The following NOX4 variants were observed in gnomAD, a reference collection of about 807,000 sequenced individuals.
The protein encoded by NOX4 is NADPH oxidase 4, also known as kidney oxidase-1.
NOX4 carries 69 observed loss-of-function variants against 87.6 expected under a neutral mutation model. The observed-to-expected ratio is 0.79, with a 90% CI of 0.65 to 0.96. The LOEUF (loss-of-function observed/expected upper bound fraction) is 0.96. Ranked by LOEUF, NOX4 falls within the 40% of genes least tolerant of loss-of-function variation. The pLI is 0.00. For missense variants in NOX4, 680 were observed against 681.5 expected, an observed-to-expected ratio of 1.00 and a Z score of 0.02; for synonymous variants, 275 against 238.2, an observed-to-expected ratio of 1.15 and a Z score of -1.42.
chr11:89,458,790 A>G (rs1945322081), intron 2 of NOX4, among the ~76,000 whole-genome samples: 1 of 152,236 alleles, frequency 6.6e-6, no homozygotes. Context: ...CTATAATTAA[A>G]AAGTTAAAAA....
the NOX4 span, among the ~76,000 whole-genome samples, chr11:89,524,981 T>G: frequency 4.6e-4 from 70 of 152,226 alleles, no homozygotes; most frequent in African/African-American, 1.6e-3. Context: ...TTCATTCAGC[T>G]TAATGATTTC....
intron 2 of NOX4, 145 bp downstream of exon 2, chr11:89,490,313 G>C (rs769560434): frequency 1.6e-6 from 1 of 620,224 alleles, no homozygotes; most frequent in Non-Finnish European, 2.9e-6. Context: ...GATAAATCAG[G>C]AAAATGTGAC....
chr11:89,375,912 G>T (rs1378372847), intron 11 of NOX4, among the ~76,000 whole-genome samples: 1 of 152,224 alleles, frequency 6.6e-6, no homozygotes, highest in Non-Finnish European at 1.5e-5. Context: ...TTGTCCTTGT[G>T]TGCCTGAGGG....
chr11:89,364,412 A>G (rs977392956), intron 12 of NOX4, among the ~76,000 whole-genome samples: 1 of 152,144 alleles, frequency 6.6e-6, no homozygotes, highest in African/African-American at 2.4e-5. Flanking sequence ...TCTAGAAGAA[A>G]ATAAAATGAT....
In NOX4 at chr11:89,430,459, C is replaced by T. The variant is rs575491662; in HGVS notation, c.548+2325G>A. On this transcript the variant is annotated intron_variant, in intron 7 of 17. Coordinates refer to ENST00000263317, the MANE Select transcript of NOX4 (RefSeq NM_016931.5). ...GGATTGTACATTTAGAAAACCCTAT[C>T]ATCTCAGCCCAAAATCTCCTTAAGG... 1.6e-4 allele frequency among the ~76,000 whole-genome samples: 25 copies of T among 152,280 alleles called. 1 individual carries two copies. The highest frequency in any genetic ancestry group is 6.0e-4 in the African/African-American group (25 of 41,562).
At chr11:89,437,117 C>T (rs374019774) in intron 6 of NOX4, among the ~76,000 whole-genome samples, 1 of 151,942 alleles carries the variant, frequency 6.6e-6, no homozygotes, top group Admixed American at 6.6e-5. Flanking sequence ...AATCTGAGCA[C>T]TTTGGGAGGC....
intron 2 of NOX4, among the ~76,000 whole-genome samples, chr11:89,452,805 C>G (rs1185771565): frequency 6.6e-6 from 1 of 152,054 alleles, no homozygotes; most frequent in Non-Finnish European, 1.5e-5. Flanking sequence ...GCCCCTTCCT[C>G]CTAGGTTCAA....
intron 4 of NOX4, 63 bp downstream of exon 4, chr11:89,449,377 T>C (rs1427524975): frequency 1.6e-6 from 2 of 1,237,602 alleles, no homozygotes; most frequent in African/African-American, 3.0e-5. Context: ...TGTGTATGTC[T>C]GGAATGTTTA....
chr11:89,427,976 G>A (rs1013248356), intron 7 of NOX4, among the ~76,000 whole-genome samples: 1 of 152,108 alleles, frequency 6.6e-6, no homozygotes, highest in Non-Finnish European at 1.5e-5. Flanking sequence ...AGAGAAAGGT[G>A]GGGTTGCCCA....
chr11:89,559,315 A>G, the NOX4 span, among the ~76,000 whole-genome samples: 1 of 152,176 alleles, frequency 6.6e-6, no homozygotes, highest in African/African-American at 2.4e-5. Context: ...GAAGGAGTCT[A>G]TTTTAAATGG....
At chr11:89,371,955 C>A (rs1939476462) in intron 12 of NOX4, among the ~76,000 whole-genome samples, 1 of 151,778 alleles carries the variant, frequency 6.6e-6, no homozygotes. Flanking sequence ...AAGCTGGCTA[C>A]CCTTTCTAAA....
chr11:89,325,715 A>T lies in NOX4; in HGVS notation c.*1041T>A, dbSNP rs1163611115. 6.6e-6 allele frequency: 1 copy of T among 152,028 alleles called. No individual in the cohort carries two copies. Among genetic ancestry groups the T allele is most frequent in the Admixed American group, 6.6e-5 (1 of 15,266 alleles). 9.4% of individuals were successfully genotyped at this position (152,028 alleles called of 1,614,324 possible). A position where few individuals can be genotyped will look rare whatever the true frequency, so the allele number is the denominator to read the frequency against. ...AAACCAATGTGTGGCAAAGGAGATA[A>T]ATCTTATATTCAGTCCCTACTGACA... On this transcript the variant is annotated 3_prime_UTR_variant, in exon 18 of 18. Coordinates refer to ENST00000263317, the MANE Select transcript of NOX4 (RefSeq NM_016931.5).
intron 12 of NOX4, among the ~76,000 whole-genome samples, chr11:89,365,764 A>AC (rs1938924555): frequency 6.6e-6 from 1 of 151,250 alleles, no homozygotes; most frequent in Non-Finnish European, 1.5e-5. Context: ...AAAAAAAAAA[A>AC]AAAAAAAAAA....
rs1657660458 is a variant in NOX4 at position 89,326,274 on chromosome 11, A to G, written c.*482T>C. ...AGAGTCTTGTGCTGTGTTTTCAAAC[A>G]TCTAATATATTTGCCTGGAGTGCTT... On this transcript the variant is annotated 3_prime_UTR_variant, in exon 18 of 18. Transcript: ENST00000263317. 6.5e-6 allele frequency: 1 copy of G among 152,742 alleles called. No homozygotes were observed. The highest frequency in any genetic ancestry group is 2.1e-4 in the South Asian group (1 of 4,868). 9.5% of individuals were successfully genotyped at this position (152,742 alleles called of 1,614,324 possible).
intron 12 of NOX4, among the ~76,000 whole-genome samples, chr11:89,371,419 G>A (rs956210609): frequency 1.3e-5 from 2 of 151,852 alleles, no homozygotes; most frequent in Non-Finnish European, 2.9e-5. Flanking sequence ...TAATAGAGAT[G>A]ATTAAAATAG....
chr11:89,388,352 G>A (rs533986255), intron 11 of NOX4, among the ~76,000 whole-genome samples: 2 of 152,120 alleles, frequency 1.3e-5, no homozygotes, highest in African/African-American at 4.8e-5. Context: ...GGAATCCACA[G>A]AACAAAGCTT....
chr11:89,490,422 C>A (rs1345622827), intron 2 of NOX4, 36 bp downstream of exon 2: 6 of 1,407,294 alleles, frequency 4.3e-6, no homozygotes, highest in Admixed American at 3.4e-5. Context: ...AGTGTTAAAC[C>A]CATTCCACCA....
chr11:89,587,611 G>T, the NOX4 span, among the ~76,000 whole-genome samples: 1 of 152,074 alleles, frequency 6.6e-6, no homozygotes, highest in East Asian at 1.9e-4. Flanking sequence ...TCTCAAACAG[G>T]CCATAAACCA....
rs749280541 is a variant in NOX4, at chr11:89,337,430, T to C, written c.1515+17A>G. 1.9e-6 allele frequency: 3 copies of C among 1,611,228 alleles called. No homozygotes were observed. The highest frequency in any genetic ancestry group is 1.7e-5 in the Admixed American group (1 of 59,814). On this transcript the variant is annotated intron_variant, in intron 16 of 17. Transcript: ENST00000263317. ...ATCAAGAGGCTTGTTTAATTTACGA[T>C]AACATCAACCACATACCTGTATCCC...
Sources: allele counts gnomAD v4.1 joint callset (sites outside exome capture counted in the v4.1 genomes callset), GRCh38; gene constraint gnomAD v4.1.1; transcripts MANE v1.5; gene names NCBI Gene and HGNC (gene_info 2026-07-23, HGNC 2026-07-21).